The following ASIC2 variants were observed in gnomAD, a reference collection of about 807,000 sequenced individuals.
The protein encoded by ASIC2 is acid-sensing ion channel 2.
ASIC2 carries 25 observed loss-of-function variants against 57.3 expected under a neutral mutation model. That is an observed-to-expected ratio of 0.44 (90% CI 0.32 to 0.61). The LOEUF is 0.61. ASIC2 is among the 20% of genes least tolerant of loss of function. The pLI, the probability that ASIC2 is intolerant of heterozygous loss-of-function variation, is 0.06. For missense variants in ASIC2, 641 were observed against 738.1 expected (o/e 0.87, Z 1.52); for synonymous variants, 319 against 307.5 (o/e 1.04, Z -0.39).
chr17:33,416,970 C>T (rs1910864441), intron 1 of ASIC2, among the ~76,000 whole-genome samples: 2 of 151,950 alleles, frequency 1.3e-5, no homozygotes, highest in African/African-American at 4.8e-5. Flanking sequence ...TCTAAATGAG[C>T]ATGAGGCTTA....
intron 1 of ASIC2, among the ~76,000 whole-genome samples, chr17:33,223,931 C>G (rs1389760415): frequency 6.6e-6 from 1 of 152,162 alleles, no homozygotes; most frequent in Non-Finnish European, 1.5e-5. Context: ...AGTCAAAGGG[C>G]AATGAAGTCC....
intron 1 of ASIC2, among the ~76,000 whole-genome samples, chr17:34,040,703 G>A (rs977198577): frequency 6.6e-6 from 1 of 152,070 alleles, no homozygotes; most frequent in African/African-American, 2.4e-5. Flanking sequence ...CTGCTTCAAG[G>A]GTAGTTTCCA....
At chr17:33,291,207 ACTC>A in intron 1 of ASIC2, 198 bp downstream of exon 1, 5 of 1,180,076 alleles carry the variant, frequency 4.2e-6, no homozygotes, top group Non-Finnish European at 3.4e-6. Context: ...GTGGGAGGCG[ACTC>A]CTCCTACAGT....
chr17:34,039,723 T>C (rs1908032491), intron 1 of ASIC2: 1 of 1,612,368 alleles, frequency 6.2e-7, no homozygotes, highest in Non-Finnish European at 8.5e-7. Flanking sequence ...TGGGAGTCTC[T>C]ACTTCTTTAT....
intron 1 of ASIC2, among the ~76,000 whole-genome samples, chr17:33,717,742 T>C (rs576808409): frequency 1.3e-5 from 2 of 152,232 alleles, no homozygotes; most frequent in African/African-American, 4.8e-5. Context: ...TGAGAGGGCA[T>C]TGGATCTCCC....
chr17:33,869,689 CA>C (rs1442520499), intron 1 of ASIC2, among the ~76,000 whole-genome samples: 1 of 152,080 alleles, frequency 6.6e-6, no homozygotes, highest in African/African-American at 2.4e-5. Flanking sequence ...TGGGATTAGG[CA>C]AATCTGTAGA....
chr17:33,607,670 G>T (rs1905263910), intron 1 of ASIC2, among the ~76,000 whole-genome samples: 1 of 152,154 alleles, frequency 6.6e-6, no homozygotes, highest in Non-Finnish European at 1.5e-5. Context: ...CCTGCCTTGT[G>T]ACTCTCCATC....
chr17:33,768,841 G>A (rs1175862035), intron 1 of ASIC2, among the ~76,000 whole-genome samples: 1 of 152,184 alleles, frequency 6.6e-6, no homozygotes, highest in Non-Finnish European at 1.5e-5. Flanking sequence ...ACTTCAGGGA[G>A]GAGATGGCAT....
intron 1 of ASIC2, among the ~76,000 whole-genome samples, chr17:34,029,958 T>C (rs1356674620): frequency 6.6e-6 from 1 of 152,124 alleles, no homozygotes; most frequent in Non-Finnish European, 1.5e-5. Flanking sequence ...TGAATTCACA[T>C]AAGTAGTAAT....
At chr17:33,737,066 A>G (rs1486483164) in intron 1 of ASIC2, among the ~76,000 whole-genome samples, 2 of 152,234 alleles carry the variant, frequency 1.3e-5, no homozygotes, top group South Asian at 2.1e-4. Context: ...ACCACAATCT[A>G]TTCATCTATT....
At chr17:33,605,408 A>C (rs1045380935) in intron 1 of ASIC2, among the ~76,000 whole-genome samples, 24 of 152,316 alleles carry the variant, frequency 1.6e-4, no homozygotes, top group African/African-American at 5.8e-4. Context: ...AAATTATATA[A>C]ATTCTGAATT....
intron 1 of ASIC2, 141 bp from the exon 2 acceptor site, chr17:33,112,208 G>T: frequency 8.8e-7 from 1 of 1,130,814 alleles, no homozygotes; most frequent in Non-Finnish European, 1.2e-6. Flanking sequence ...GGAACCAGTG[G>T]TTTTTCATCC....
intron 1 of ASIC2, among the ~76,000 whole-genome samples, chr17:33,603,945 G>A (rs1251746979): frequency 6.6e-6 from 1 of 152,164 alleles, no homozygotes; most frequent in Non-Finnish European, 1.5e-5. Flanking sequence ...AAAAGCAGAG[G>A]GTCACGTGGG....
At chr17:33,107,514 T>C (rs993944441) in intron 2 of ASIC2, among the ~76,000 whole-genome samples, 1 of 152,230 alleles carries the variant, frequency 6.6e-6, no homozygotes, top group African/African-American at 2.4e-5. Context: ...GCATACTCTC[T>C]AGGACCACAT....
chr17:33,647,033 G>A (rs1906762541), intron 1 of ASIC2, among the ~76,000 whole-genome samples: 1 of 152,042 alleles, frequency 6.6e-6, no homozygotes, highest in African/African-American at 2.4e-5. Context: ...TTCCCACCAG[G>A]GAACCTTGTT....
intron 1 of ASIC2, among the ~76,000 whole-genome samples, chr17:33,689,952 C>A (rs570758231): frequency 2.6e-4 from 39 of 152,240 alleles, no homozygotes; most frequent in Non-Finnish European, 4.6e-4. Context: ...CCTGCTGATA[C>A]CTTGATTTCA....
chr17:34,042,807 T>C (rs752542097), intron 1 of ASIC2, among the ~76,000 whole-genome samples: 2 of 152,228 alleles, frequency 1.3e-5, no homozygotes, highest in South Asian at 2.1e-4. Flanking sequence ...CCAATTATAA[T>C]ACAATAAAGC....
At chr17:33,183,704 C>T (rs1906077341) in intron 1 of ASIC2, among the ~76,000 whole-genome samples, 1 of 152,196 alleles carries the variant, frequency 6.6e-6, no homozygotes, top group African/African-American at 2.4e-5. Flanking sequence ...TATCTTTCAT[C>T]AGCAGTTTTC....
chr17:33,321,589 G>A (rs1021278890), intron 1 of ASIC2, among the ~76,000 whole-genome samples: 3 of 152,102 alleles, frequency 2.0e-5, no homozygotes, highest in African/African-American at 7.2e-5. Flanking sequence ...TATATTTCTA[G>A]CATTTATTAT....
Sources: gnomAD v4.1 joint callset for allele counts (sites outside exome capture counted in the v4.1 genomes callset) on GRCh38, gnomAD v4.1.1 for gene constraint, MANE v1.5 for transcripts, NCBI Gene and HGNC (gene_info 2026-07-23, HGNC 2026-07-21) for gene names.